The following MRPL1 variants were observed in gnomAD, a reference collection of about 807,000 sequenced individuals.
The protein encoded by MRPL1 is mitochondrial ribosomal protein L1.
MRPL1 carries 28 observed loss-of-function variants against 38.0 expected under a neutral mutation model. The observed-to-expected ratio is 0.74, with a 90% CI of 0.55 to 1.01. The LOEUF (loss-of-function observed/expected upper bound fraction) is 1.01. MRPL1 is among the 50% of genes least tolerant of loss of function. The pLI is 0.00. For missense variants in MRPL1, 358 were observed against 389.8 expected (o/e 0.92, Z 0.69); for synonymous variants, 123 against 126.7 (o/e 0.97, Z 0.20).
At chr4:77,898,583 C>T (rs746393398) in intron 6 of MRPL1, among the ~76,000 whole-genome samples, 5 of 151,910 alleles carry the variant, frequency 3.3e-5, no homozygotes, top group East Asian at 1.9e-4. Flanking sequence ...CTCCCCTTCC[C>T]GGGTTCATAC....
chr4:77,884,323 G>T (rs1735624715), intron 3 of MRPL1, among the ~76,000 whole-genome samples: 4 of 151,970 alleles, frequency 2.6e-5, no homozygotes, highest in Admixed American at 2.6e-4. Context: ...TCAAAATAAG[G>T]TTTTTCTAAA....
chr4:77,932,932 C>A (rs1736880456), intron 7 of MRPL1, among the ~76,000 whole-genome samples: 1 of 150,414 alleles, frequency 6.6e-6, no homozygotes, highest in Non-Finnish European at 1.5e-5. Flanking sequence ...GGGAACTTTC[C>A]TTTTTTAAAA....
intron 1 of MRPL1, among the ~76,000 whole-genome samples, chr4:77,865,365 C>A (rs1735103600): frequency 1.3e-5 from 2 of 151,916 alleles, no homozygotes; most frequent in Non-Finnish European, 2.9e-5. Flanking sequence ...TCTTTTTCTT[C>A]TCATTTGAAG....
At position 77,917,769 on chromosome 4, in the gene MRPL1, T is replaced by C. The variant is rs186286132; in HGVS notation, c.777+8397T>C. Among the ~76,000 whole-genome samples the C allele has an allele frequency of 6.6e-4, 101 of 152,110 alleles. No homozygotes were observed. In the East Asian group the frequency reaches 0.016, roughly 24 times the overall value. On this transcript the variant is annotated intron_variant, in intron 7 of 8. Transcript: ENST00000315567. ...GTGAGTATAATAATAGAAATGTGTA[T>C]ATTGGGCTGGGTGCAGTGGCTCACA...
rs944763755 is a variant in MRPL1, at chr4:77,885,449, C to T, written c.486+110C>T. On this transcript the variant is annotated intron_variant, in intron 4 of 8. Transcript: ENST00000315567. ...TGGGGCAACCTCGGCTCACTGCAACCTCCGCCTCCCAGGTTCAAGCGATTC... is the reference window on the plus strand; with the variant it reads ...TGGGGCAACCTCGGCTCACTGCAACTTCCGCCTCCCAGGTTCAAGCGATTC... 8 of 715,728 alleles carry T rather than the reference C, an allele frequency of 1.1e-5. No individual in the cohort carries two copies. In the African/African-American group the frequency reaches 1.4e-4, roughly 13 times the overall value. The allele number at this position is 715,728 out of a possible 1,614,324, so 44.3% of individuals were successfully genotyped here. A position where few individuals can be genotyped will look rare whatever the true frequency, so the allele number is the denominator to read the frequency against.
intron 6 of MRPL1, among the ~76,000 whole-genome samples, chr4:77,898,145 C>G (rs919079355): frequency 6.6e-5 from 10 of 152,196 alleles, no homozygotes; most frequent in Admixed American, 1.3e-4. Context: ...ATCATCTAAA[C>G]AGAGAGACCT....
At chr4:77,876,759 C>A (rs1487571218) in intron 2 of MRPL1, among the ~76,000 whole-genome samples, 1 of 152,110 alleles carries the variant, frequency 6.6e-6, no homozygotes, top group Non-Finnish European at 1.5e-5. Context: ...GTCCTTTTGG[C>A]TCTCCCCTCT....
intron 1 of MRPL1, among the ~76,000 whole-genome samples, chr4:77,870,622 AAG>A (rs1735259853): frequency 6.6e-6 from 1 of 152,226 alleles, no homozygotes; most frequent in Non-Finnish European, 1.5e-5. Flanking sequence ...CATTTTATAA[AAG>A]AGGAGGGAAA....
At chr4:77,885,373 A>C in intron 4 of MRPL1, 34 bp downstream of exon 4, 1 of 1,550,928 alleles carries the variant, frequency 6.4e-7, no homozygotes. Flanking sequence ...TATATCATTT[A>C]ATTTTTTTTT....
At chr4:77,910,125 T>C (rs1482285576) in intron 7 of MRPL1, among the ~76,000 whole-genome samples, 1 of 152,140 alleles carries the variant, frequency 6.6e-6, no homozygotes, top group East Asian at 1.9e-4. Flanking sequence ...TTGTTAGCCA[T>C]ATGAGAGGTA....
chr4:77,881,058 T>C (rs1735527700), intron 2 of MRPL1, among the ~76,000 whole-genome samples: 2 of 152,226 alleles, frequency 1.3e-5, no homozygotes, highest in Non-Finnish European at 2.9e-5. Context: ...TAGAAACATG[T>C]GAAACTTCTT....
intron 7 of MRPL1, among the ~76,000 whole-genome samples, chr4:77,932,863 T>C (rs534854602): frequency 7.9e-5 from 12 of 151,814 alleles, no homozygotes; most frequent in African/African-American, 2.7e-4. Flanking sequence ...TCCCTGGTAC[T>C]AAAAAGGTTG....
chr4:77,864,574 A>G (rs1735083762), intron 1 of MRPL1: 1 of 152,190 alleles, frequency 6.6e-6, no homozygotes, highest in Admixed American at 6.5e-5. Context: ...AATTCTTTAT[A>G]TTGCAAAATC....
At chr4:77,883,522 A>C in intron 3 of MRPL1, 22 bp downstream of exon 3, 2 of 1,569,482 alleles carry the variant, frequency 1.3e-6, no homozygotes, top group African/African-American at 2.7e-5. Flanking sequence ...CCATTAAAAT[A>C]AGTTTACCTG....
intron 5 of MRPL1, among the ~76,000 whole-genome samples, chr4:77,889,844 A>G (rs1032913079): frequency 2.6e-5 from 4 of 152,262 alleles, no homozygotes; most frequent in Non-Finnish European, 5.9e-5. Flanking sequence ...AGAGAATACT[A>G]TAAATACCTC....
chr4:77,866,935 AT>A (rs532681665), intron 1 of MRPL1, among the ~76,000 whole-genome samples: 260 of 151,814 alleles, frequency 1.7e-3, no homozygotes, highest in Middle Eastern at 6.8e-3. Context: ...TTTAGTAGAG[AT>A]GGGGTTTCAA....
intron 7 of MRPL1, among the ~76,000 whole-genome samples, chr4:77,931,724 A>C (rs1736850698): frequency 6.6e-6 from 1 of 152,212 alleles, no homozygotes; most frequent in South Asian, 2.1e-4. Flanking sequence ...GGCTACCGTG[A>C]CTGGACAGCT....
chr4:77,939,590 G>A (rs978339188), intron 7 of MRPL1, among the ~76,000 whole-genome samples: 7 of 152,174 alleles, frequency 4.6e-5, no homozygotes, highest in Admixed American at 2.0e-4. Context: ...TTGCTTTTGG[G>A]TTTTTTGGAC....
chr4:77,873,594 T>C (rs899497477), intron 2 of MRPL1, among the ~76,000 whole-genome samples: 4 of 152,218 alleles, frequency 2.6e-5, no homozygotes, highest in Non-Finnish European at 5.9e-5. Context: ...TAATTTAATA[T>C]CAGACAACTG....
Sources: allele counts gnomAD v4.1 joint callset (sites outside exome capture counted in the v4.1 genomes callset), GRCh38; gene constraint gnomAD v4.1.1; transcripts MANE v1.5; gene names NCBI Gene and HGNC (gene_info 2026-07-23, HGNC 2026-07-21).